The following OR6C2 variants were observed in gnomAD, a reference collection of about 807,000 sequenced individuals.
OR6C2 encodes olfactory receptor 6C2.
For missense variants in OR6C2, 435 were observed against 365.8 expected (o/e 1.19, Z -1.54); for synonymous variants, 146 against 134.2 (o/e 1.09, Z -0.61).
intron 1 of OR6C2, among the ~76,000 whole-genome samples, chr12:55,446,124 T>TTTCC (rs202204014): frequency 0.35 from 50,318 of 142,398 alleles, 8,942 homozygotes; most frequent in Middle Eastern, 0.43. Context: ...TCTTTCCTTC[T>TTTCC]TTCCTTCCTT....
chr12:55,449,976 TAAG>T (rs1161581247), intron 1 of OR6C2, among the ~76,000 whole-genome samples: 1 of 151,978 alleles, frequency 6.6e-6, no homozygotes, highest in Non-Finnish European at 1.5e-5. Flanking sequence ...GGTATGAAAA[TAAG>T]AACTTTGAAC....
intron 1 of OR6C2, among the ~76,000 whole-genome samples, chr12:55,448,856 G>C (rs1405947599): frequency 6.6e-6 from 1 of 151,686 alleles, no homozygotes; most frequent in South Asian, 2.1e-4. Flanking sequence ...ATTATTCCAG[G>C]CTATGGAAAT....
Position 55,452,833 on chromosome 12 carries a change from T to C in OR6C2, c.620T>C (p.Ile207Thr). 1 of 1,613,894 alleles carries C rather than the reference T, an allele frequency of 6.2e-7. No individual in the cohort carries two copies. Among genetic ancestry groups the C allele is most frequent in the South Asian group, 1.1e-5 (1 of 91,078 alleles). Reference sequence around the variant, plus strand: ...CTTATGGCTGTATTTGCACTCATTATCACCCTAGTTTGTGTGATTCTGTCC... The same window carrying C: ...CTTATGGCTGTATTTGCACTCATTACCACCCTAGTTTGTGTGATTCTGTCC... ...VILMAVFALI[I>T]TLVCVILSYL... Residue 207 changes from isoleucine to threonine, a missense_variant, in exon 2 of 2, where the codon ATC (isoleucine) becomes ACC (threonine). By Grantham distance (89) the Ile-to-Thr change is moderately conservative (BLOSUM62 -1). Coordinates refer to ENST00000641202, the MANE Select transcript of OR6C2 (RefSeq NM_054105.2).
chr12:55,450,457 G>C (rs1031456017), intron 1 of OR6C2, among the ~76,000 whole-genome samples: 1 of 152,110 alleles, frequency 6.6e-6, no homozygotes, highest in African/African-American at 2.4e-5. Context: ...TGCCCATGAA[G>C]AGCCTGGCAG....
intron 1 of OR6C2, among the ~76,000 whole-genome samples, chr12:55,450,947 G>C (rs1871456776): frequency 6.6e-6 from 1 of 152,030 alleles, no homozygotes; most frequent in South Asian, 2.1e-4. Flanking sequence ...TCAGGGGGTG[G>C]AGGTGAAAGT....
At chr12:55,446,292 G>A (rs1871360506) in intron 1 of OR6C2, among the ~76,000 whole-genome samples, 1 of 152,108 alleles carries the variant, frequency 6.6e-6, no homozygotes, top group Admixed American at 6.5e-5. Flanking sequence ...TGGGATTACA[G>A]GCATGTGCCA....
intron 1 of OR6C2, among the ~76,000 whole-genome samples, chr12:55,448,849 A>T (rs921607515): frequency 3.3e-5 from 5 of 151,854 alleles, no homozygotes; most frequent in Admixed American, 3.3e-4. Context: ...CTCCATGATT[A>T]TTCCAGGCTA....
chr12:55,448,263 GT>G (rs1871399182), intron 1 of OR6C2, among the ~76,000 whole-genome samples: 1 of 151,422 alleles, frequency 6.6e-6, no homozygotes, highest in Non-Finnish European at 1.5e-5. Context: ...CAGATATATG[GT>G]CTGTAAATAT....
chr12:55,449,294 C>CA (rs564117700), intron 1 of OR6C2, among the ~76,000 whole-genome samples: 1 of 151,542 alleles, frequency 6.6e-6, no homozygotes, highest in Non-Finnish European at 1.5e-5. Context: ...ATGGGTTTTT[C>CA]AAAAAAACTT....
In OR6C2 at chr12:55,452,049, T is replaced by A; in HGVS notation, c.-165T>A. On this transcript the variant is annotated 5_prime_UTR_variant, in exon 2 of 2. Coordinates refer to ENST00000641202, the MANE Select transcript of OR6C2 (RefSeq NM_054105.2). The stretch of plus-strand genomic sequence containing the variant: ...TCATATATGTGAAATTTAGAAAGGT[T>A]ATTGGAACACTGGCAACATTGATTA... The A allele has an allele frequency of 1.9e-6, 1 of 514,328 alleles. No homozygotes were observed. Among genetic ancestry groups the A allele is most frequent in the Non-Finnish European group, 3.4e-6 (1 of 293,784 alleles). The allele number at this position is 514,328 out of a possible 1,614,324, so 31.9% of individuals were successfully genotyped here.
In OR6C2 at chr12:55,452,610, A is replaced by C. The variant is rs772717720; in HGVS notation, c.397A>C (p.Ile133Leu). ...CTGTAAACCCCTTCATTATGTGGTC[A>C]TCATGAACAACAGGGTGTGTACCTT... ...AICKPLHYVVIMNNRVCTLLV... is the reference protein window; with the variant it reads ...AICKPLHYVVLMNNRVCTLLV... The change falls in exon 2 of 2, where the codon ATC becomes CTC. Residue 133 changes from isoleucine (I) to leucine (L), a missense_variant. Physicochemically the swap from Ile to Leu is conservative, Grantham distance 5. Transcript: ENST00000641202. The C allele has an allele frequency of 9.9e-6, 16 of 1,613,862 alleles. No individual in the cohort carries two copies. The South Asian group carries it at 1.6e-4, about 17-fold the overall frequency.
At chr12:55,446,136 C>CTTCG (rs1565690041) in intron 1 of OR6C2, among the ~76,000 whole-genome samples, 1 of 138,246 alleles carries the variant, frequency 7.2e-6, no homozygotes. Context: ...TCCTTCCTTC[C>CTTCG]TTCCTTCCTT....
rs756217823 is a variant in OR6C2, at chr12:55,452,588, T to C, written c.375T>C (p.Cys125=). The C allele has an allele frequency of 6.2e-7, 1 of 1,613,770 alleles. No individual in the cohort carries two copies. Among genetic ancestry groups the C allele is most frequent in the African/African-American group, 1.3e-5 (1 of 74,896 alleles). Reference sequence around the variant, plus strand: ...CCTATGACCGCTATGTGGCCATCTGTAAACCCCTTCATTATGTGGTCATCA... The same window carrying C: ...CCTATGACCGCTATGTGGCCATCTGCAAACCCCTTCATTATGTGGTCATCA... ...AMSYDRYVAI[C]KPLHYVVIMN... is the part of the protein sequence containing the mutation. The change falls in exon 2 of 2, where the codon TGT becomes TGC. Residue 125 remains cysteine (C), a synonymous_variant. Transcript: ENST00000641202.
At chr12:55,451,090 T>C (rs112916442) in intron 1 of OR6C2, among the ~76,000 whole-genome samples, 2,545 of 152,058 alleles carry the variant, frequency 0.017, 37 homozygotes, top group Non-Finnish European at 0.025. Flanking sequence ...AATATTTAGA[T>C]ACAGGGAGGT....
intron 1 of OR6C2, among the ~76,000 whole-genome samples, chr12:55,447,812 T>G (rs114863836): frequency 9.0e-4 from 137 of 152,240 alleles, no homozygotes; most frequent in African/African-American, 3.1e-3. Flanking sequence ...GTAAAGTTAG[T>G]TCTTTAAACT....
In OR6C2 at chr12:55,453,341, G is replaced by A. The variant is rs937940675; in HGVS notation, c.*189G>A. 6 of 514,270 alleles carry A rather than the reference G, an allele frequency of 1.2e-5. No individual in the cohort carries two copies. Among genetic ancestry groups the A allele is most frequent in the African/African-American group, 3.9e-5 (2 of 51,814 alleles). The allele number at this position is 514,270 out of a possible 1,614,324, so 31.9% of individuals were successfully genotyped here. On this transcript the variant is annotated 3_prime_UTR_variant, in exon 2 of 2. Transcript: ENST00000641202. ...ATTTCGAACCAAGGTCATACATTGT[G>A]TTTTCCCTCATTGTGAAACTAAAAA...
At chr12:55,445,099 G>A (rs945757048) in intron 1 of OR6C2, among the ~76,000 whole-genome samples, 1 of 152,106 alleles carries the variant, frequency 6.6e-6, no homozygotes, top group African/African-American at 2.4e-5. Context: ...TTAGTTTTAT[G>A]GATTTCTTGA....
At position 55,452,962 on chromosome 12, in the gene OR6C2, A is replaced by G; in HGVS notation, c.749A>G (p.Tyr250Cys). ...SSHMIVVSIA[Y>C]GSCIFIYIKP... Reference sequence around the variant, plus strand: ...CACATGATTGTGGTTTCCATTGCCTATGGAAGCTGCATCTTCATCTATATC... The same window carrying G: ...CACATGATTGTGGTTTCCATTGCCTGTGGAAGCTGCATCTTCATCTATATC... Residue 250 changes from tyrosine to cysteine, a missense_variant, in exon 2 of 2, where the codon TAT (tyrosine) becomes TGT (cysteine). Transcript: ENST00000641202. 1 of 1,613,706 alleles carries G rather than the reference A, an allele frequency of 6.2e-7. No individual in the cohort carries two copies. Among genetic ancestry groups the G allele is most frequent in the Non-Finnish European group, 8.5e-7 (1 of 1,179,748 alleles).
intron 1 of OR6C2, among the ~76,000 whole-genome samples, chr12:55,448,643 CAAAAAAAA>C (rs59178718): frequency 5.6e-5 from 4 of 71,704 alleles, no homozygotes; most frequent in African/African-American, 2.1e-4. Context: ...CCATTCACTG[CAAAAAAAA>C]AAAAAAAAGA....
Sources: gnomAD v4.1 joint callset for allele counts (sites outside exome capture counted in the v4.1 genomes callset) on GRCh38, gnomAD v4.1.1 for gene constraint, MANE v1.5 for transcripts, NCBI Gene and HGNC (gene_info 2026-07-23, HGNC 2026-07-21) for gene names.